DAZAP1: variants seen among roughly 807,000 people sequenced by gnomAD.
DAZAP1 encodes the protein DAZ associated protein 1, also known as DAZ-associated protein 1.
A neutral mutation model predicts 60.1 loss-of-function variants in DAZAP1; 6 were observed. That is an observed-to-expected ratio of 0.10 (90% CI 0.05 to 0.20). The LOEUF is 0.20. DAZAP1 is among the 10% of genes least tolerant of loss of function. The probability of loss-of-function intolerance (pLI) is 1.00; values close to 1 mark genes in which losing one functional copy is unlikely to be tolerated. For missense variants in DAZAP1, 366 were observed against 560.4 expected, an observed-to-expected ratio of 0.65 and a Z score of 3.50; for synonymous variants, 235 against 215.9, an observed-to-expected ratio of 1.09 and a Z score of -0.78.
chr19:1,414,043 CCTCA>C (rs1223247226), intron 1 of DAZAP1, among the ~76,000 whole-genome samples: 47 of 133,754 alleles, frequency 3.5e-4, no homozygotes, highest in African/African-American at 1.4e-3. Flanking sequence ...TTAGATGGAC[CCTCA>C]CTCTGTCGCC....
intron 2 of DAZAP1, among the ~76,000 whole-genome samples, chr19:1,417,772 G>A (rs1447156052): frequency 1.3e-5 from 2 of 152,166 alleles, no homozygotes; most frequent in South Asian, 2.1e-4. Context: ...TCCTAGCTCC[G>A]GGCTGAGGTG....
In DAZAP1 at chr19:1,422,073, A is replaced by G. The variant is rs1169770229; in HGVS notation, c.415-275A>G. ...GTTGGCCCTTCATGTCCGTCAGCAC[A>G]CACGTGAGCGGGGCCACGGGCAGCC... On this transcript the variant is annotated intron_variant, in intron 5 of 11. Transcript: ENST00000233078. The surrounding 1 kb of genome is among the most constrained non-coding windows in gnomAD (Gnocchi z 4.5). 6.6e-6 allele frequency among the ~76,000 whole-genome samples: 1 copy of G among 152,124 alleles called. No individual in the cohort carries two copies. The highest frequency in any genetic ancestry group is 2.4e-5 in the African/African-American group (1 of 41,430).
Position 1,418,606 on chromosome 19 carries a change from C to G in DAZAP1, c.238-60C>G, listed in dbSNP as rs570140880. On this transcript the variant is annotated intron_variant, in intron 3 of 11. Coordinates refer to ENST00000233078, the MANE Select transcript of DAZAP1 (RefSeq NM_018959.4). The surrounding 1 kb of genome is among the most constrained non-coding windows in gnomAD (Gnocchi z 5.7). ...TGCCGTGGCTGCTGTTGTGCTGACA[C>G]CCTCTTTCCTAGAGAAACAGCCTCT... 11 of 1,603,980 alleles carry G rather than the reference C, an allele frequency of 6.9e-6. No homozygotes were observed. The Admixed American group carries it at 1.8e-4, about 27-fold the overall frequency.
chr19:1,429,023 G>C, intron 8 of DAZAP1, 28 bp downstream of exon 8: 1 of 1,547,556 alleles, frequency 6.5e-7, no homozygotes, highest in Non-Finnish European at 8.7e-7. Flanking sequence ...GTGCCCACGG[G>C]AATGTCCCCC....
At chr19:1,429,220 C>T (rs1260898679) in intron 8 of DAZAP1, among the ~76,000 whole-genome samples, 1 of 152,254 alleles carries the variant, frequency 6.6e-6, no homozygotes, top group Non-Finnish European at 1.5e-5. Flanking sequence ...GGTGCCCGTC[C>T]GGGGCCTGGG....
chr19:1,415,557 G>C (rs2082957746), intron 1 of DAZAP1, among the ~76,000 whole-genome samples: 1 of 151,902 alleles, frequency 6.6e-6, no homozygotes, highest in South Asian at 2.1e-4. Flanking sequence ...GCAGGGATGT[G>C]GGCGGGGCTG....
rs1230648059 is a variant in DAZAP1, at chr19:1,433,001, C to G, written c.1048+311C>G. ...AGTCGCAGGCAGCTGTGATCACTGT[C>G]TAGAGGTTCAGGCCCTCGGTGTGGG... On this transcript the variant is annotated intron_variant, in intron 11 of 11. Coordinates refer to ENST00000233078, the MANE Select transcript of DAZAP1 (RefSeq NM_018959.4). This position sits in a 1 kb window ranked among gnomAD's most constrained non-coding sequence, Gnocchi z 6.1. 2.9e-6 allele frequency: 1 copy of G among 345,156 alleles called. No individual in the cohort carries two copies. The highest frequency in any genetic ancestry group is 5.3e-6 in the Non-Finnish European group (1 of 187,758). The allele number at this position is 345,156 out of a possible 1,614,324, so 21.4% of individuals were successfully genotyped here. A position where few individuals can be genotyped will look rare whatever the true frequency, so the allele number is the denominator to read the frequency against.
intron 8 of DAZAP1, 137 bp downstream of exon 8, chr19:1,429,132 C>A: frequency 8.4e-7 from 1 of 1,184,290 alleles, no homozygotes; most frequent in Non-Finnish European, 1.1e-6. Context: ...TGTCCTTGAG[C>A]CCCCGCGAGG....
rs757259175 is a variant in DAZAP1 at position 1,415,390 on chromosome 19, T to TG, written c.30-2110_30-2109insG. Among the ~76,000 whole-genome samples the TG allele has an allele frequency of 5.7e-3, 722 of 125,608 alleles. 4 individuals carry two copies. The highest frequency in any genetic ancestry group is 9.8e-3 in the African/African-American group (345 of 35,184). 82.4% of individuals were successfully genotyped at this position (125,608 alleles called of 152,430 possible). On this transcript the variant is annotated intron_variant, in intron 1 of 11. Transcript: ENST00000233078. ...GTGTGTGTGTGTGTGTGTGTGTGTGTTTTGTTTTTTTTTTTTTTTTTGAGA... is the reference window on the plus strand; with the variant it reads ...GTGTGTGTGTGTGTGTGTGTGTGTGTGTTTGTTTTTTTTTTTTTTTTTGAGA...
rs949681886 is a variant in DAZAP1, at chr19:1,434,660, G to T, written c.1049-77G>T. On this transcript the variant is annotated intron_variant, in intron 11 of 11. Transcript: ENST00000233078. The surrounding 1 kb of genome is among the most constrained non-coding windows in gnomAD (Gnocchi z 8.0). ...GACTCAAGGCAGGCTCGGCGGAGCT[G>T]TGTCCAGGTGGCCTCGCTCGACGGC... 6.6e-7 allele frequency: 1 copy of T among 1,516,878 alleles called. No individual in the cohort carries two copies. The highest frequency in any genetic ancestry group is 1.4e-5 in the African/African-American group (1 of 72,054). The allele number at this position is 1,516,878 out of a possible 1,614,324, so 94.0% of individuals were successfully genotyped here. A position where few individuals can be genotyped will look rare whatever the true frequency, so the allele number is the denominator to read the frequency against.
chr19:1,418,878 C>A lies in DAZAP1; in HGVS notation c.303+147C>A. On this transcript the variant is annotated intron_variant, in intron 4 of 11. Transcript: ENST00000233078. The surrounding 1 kb of genome is among the most constrained non-coding windows in gnomAD (Gnocchi z 5.7). The stretch of plus-strand genomic sequence containing the variant: ...GGCACTCGAGCAGCTGAGGATCACC[C>A]AGATTTATCAGTGCCGTGAGTGTTT... The A allele has an allele frequency of 2.7e-6, 2 of 736,966 alleles. No homozygotes were observed. The highest frequency in any genetic ancestry group is 5.5e-5 in the East Asian group (2 of 36,280). The allele number at this position is 736,966 out of a possible 1,614,324, so 45.7% of individuals were successfully genotyped here.
chr19:1,410,733 C>T (rs746251760), intron 1 of DAZAP1, among the ~76,000 whole-genome samples: 2 of 152,190 alleles, frequency 1.3e-5, no homozygotes, highest in African/African-American at 2.4e-5. Context: ...TCACCTCGAG[C>T]GCCCAGGCCA....
intron 5 of DAZAP1, among the ~76,000 whole-genome samples, chr19:1,421,814 C>T (rs891392601): frequency 3.9e-5 from 6 of 152,238 alleles, no homozygotes; most frequent in African/African-American, 1.4e-4. Context: ...CCCTGCGTGC[C>T]TGAGTACTGC....
intron 10 of DAZAP1, 126 bp downstream of exon 10, chr19:1,430,488 A>T: frequency 1.1e-6 from 1 of 870,820 alleles, no homozygotes; most frequent in Non-Finnish European, 1.7e-6. Flanking sequence ...CCGGCTGGTC[A>T]GCAGGTCACC....
rs2083055755 is a variant in DAZAP1 at position 1,418,566 on chromosome 19, C to CG, written c.238-97dup. 2.6e-5 allele frequency: 39 copies of CG among 1,502,808 alleles called. 1 individual carries two copies. The South Asian group carries it at 4.4e-4, about 17-fold the overall frequency. The allele number at this position is 1,502,808 out of a possible 1,614,324, so 93.1% of individuals were successfully genotyped here. A position where few individuals can be genotyped will look rare whatever the true frequency, so the allele number is the denominator to read the frequency against. On this transcript the variant is annotated intron_variant, in intron 3 of 11. Coordinates refer to ENST00000233078, the MANE Select transcript of DAZAP1 (RefSeq NM_018959.4). The surrounding 1 kb of genome is among the most constrained non-coding windows in gnomAD (Gnocchi z 5.7). ...GGTGAATGGAGCCGGCGGGGCGGGG[C>CG]GGGCCGGGCTGCTGTGCCGTGGCTG...
chr19:1,431,068 A>G (rs2083439020), intron 10 of DAZAP1, among the ~76,000 whole-genome samples: 1 of 151,788 alleles, frequency 6.6e-6, no homozygotes, highest in Non-Finnish European at 1.5e-5. Flanking sequence ...GTCACTTGTA[A>G]TTGAAAAGCT....
intron 4 of DAZAP1, among the ~76,000 whole-genome samples, chr19:1,420,578 C>G (rs1021676056): frequency 1.3e-5 from 2 of 152,146 alleles, no homozygotes; most frequent in Admixed American, 1.3e-4. Flanking sequence ...AGACTCCTGG[C>G]TCTGGCCACC....
intron 8 of DAZAP1, 110 bp downstream of exon 8, chr19:1,429,105 A>T (rs2083376688): frequency 7.5e-7 from 1 of 1,328,726 alleles, no homozygotes; most frequent in Admixed American, 3.2e-5. Flanking sequence ...GTGCATGCAC[A>T]GAGCCGCGGT....
rs570441723 is a variant in DAZAP1 at position 1,434,514 on chromosome 19, C to T, written c.1049-223C>T. ...GTGGGCCATGGAGGGCTCTGGAAGC[C>T]GCTTTTCTCTGTGTGTGCCCCTGCT... On this transcript the variant is annotated intron_variant, in intron 11 of 11. Transcript: ENST00000233078. The surrounding 1 kb of genome is among the most constrained non-coding windows in gnomAD (Gnocchi z 8.0). 15 of 521,316 alleles carry T rather than the reference C, an allele frequency of 2.9e-5. No homozygotes were observed. The highest frequency in any genetic ancestry group is 9.3e-5 in the South Asian group (4 of 42,826). The allele number at this position is 521,316 out of a possible 1,614,324, so 32.3% of individuals were successfully genotyped here. A position where few individuals can be genotyped will look rare whatever the true frequency, so the allele number is the denominator to read the frequency against.
Sources: gnomAD v4.1 joint callset for allele counts (sites outside exome capture counted in the v4.1 genomes callset) on GRCh38, gnomAD v4.1.1 for gene constraint, Gnocchi (gnomAD v3.1) non-coding constraint, MANE v1.5 for transcripts, NCBI Gene and HGNC (gene_info 2026-07-23, HGNC 2026-07-21) for gene names.